Variants in CADM2 observed in about 807,000 individuals in gnomAD.
The protein encoded by CADM2 is cell adhesion molecule 2.
A neutral mutation model predicts 49.8 loss-of-function variants in CADM2; 12 were observed. The ratio of observed to expected loss-of-function variants is 0.24; its 90% CI spans 0.15 to 0.39. The LOEUF (loss-of-function observed/expected upper bound fraction) is 0.39. Among genes scored for constraint, CADM2 ranks in the 10% least tolerant of loss-of-function variants. The pLI, the probability that CADM2 is intolerant of heterozygous loss-of-function variation, is 1.00. For synonymous variants in CADM2, 214 were observed against 175.4 expected, an observed-to-expected ratio of 1.22 and a Z score of -1.74; for missense variants, 378 against 492.3, an observed-to-expected ratio of 0.77 and a Z score of 2.20.
At chr3:85,003,931 G>A (rs1347335779) in intron 1 of CADM2, among the ~76,000 whole-genome samples, 1 of 152,028 alleles carries the variant, frequency 6.6e-6, no homozygotes, top group African/African-American at 2.4e-5. Context: ...ATTTAAATTT[G>A]TAAACTGTAA....
At chr3:85,890,376 G>A (rs192416128) in intron 5 of CADM2, among the ~76,000 whole-genome samples, 2 of 152,254 alleles carry the variant, frequency 1.3e-5, no homozygotes, top group Admixed American at 6.5e-5. Flanking sequence ...CGTGTGAACA[G>A]ATGAAGTGGA....
intron 1 of CADM2, among the ~76,000 whole-genome samples, chr3:85,501,819 T>C (rs62250750): frequency 0.51 from 78,237 of 151,980 alleles, 23,125 homozygotes; most frequent in East Asian, 0.85. Flanking sequence ...AATCAGTTAA[T>C]GTATAAAATG....
intron 8 of CADM2, among the ~76,000 whole-genome samples, chr3:85,977,622 A>G (rs1158983089): frequency 6.6e-6 from 1 of 151,614 alleles, no homozygotes; most frequent in East Asian, 1.9e-4. Context: ...ATAAGGAGTT[A>G]TTATAACAAT....
At chr3:85,641,648 C>T (rs1020970973) in intron 1 of CADM2, among the ~76,000 whole-genome samples, 3 of 151,892 alleles carry the variant, frequency 2.0e-5, no homozygotes, top group African/African-American at 4.8e-5. Context: ...ATGAATGGGC[C>T]GGGCACGGTG....
rs371720119 is a variant in CADM2 at position 85,520,489 on chromosome 3, C to T, written c.62-206033C>T. On this transcript the variant is annotated intron_variant, in intron 1 of 9. Coordinates refer to ENST00000383699, the MANE Select transcript of CADM2 (RefSeq NM_001167675.2). ...AGGAAAATAATGTTTTAAGCACTTA[C>T]TCTGTGCCATGTACTGTGATACAGA... Among the ~76,000 whole-genome samples the T allele has an allele frequency of 2.6e-5, 4 of 151,948 alleles. No homozygotes were observed. The East Asian group carries it at 7.7e-4, about 29-fold the overall frequency.
intron 1 of CADM2, among the ~76,000 whole-genome samples, chr3:85,135,174 T>G (rs2107617434): frequency 6.6e-6 from 1 of 151,996 alleles, no homozygotes; most frequent in African/African-American, 2.4e-5. Context: ...AACAAAAACA[T>G]TTGGTGTGAA....
At chr3:85,948,836 A>T (rs1477239867) in intron 7 of CADM2, among the ~76,000 whole-genome samples, 1 of 151,588 alleles carries the variant, frequency 6.6e-6, no homozygotes, top group African/African-American at 2.4e-5. Flanking sequence ...GTGATTGAGG[A>T]GGGCTCTAAA....
intron 8 of CADM2, among the ~76,000 whole-genome samples, chr3:85,976,813 G>C (rs188312799): frequency 2.0e-5 from 3 of 151,480 alleles, no homozygotes; most frequent in African/African-American, 7.3e-5. Flanking sequence ...ACCAGGCTAT[G>C]TGTAAATAAT....
At chr3:85,159,673 G>A (rs1004528269) in intron 1 of CADM2, among the ~76,000 whole-genome samples, 1 of 152,154 alleles carries the variant, frequency 6.6e-6, no homozygotes, top group African/African-American at 2.4e-5. Flanking sequence ...CAAGCTAACC[G>A]AATGATTAAC....
chr3:85,793,684 C>A (rs1422753222), intron 2 of CADM2, among the ~76,000 whole-genome samples: 1 of 152,166 alleles, frequency 6.6e-6, no homozygotes. Context: ...AACTCCAGCA[C>A]ATTAAGCTTT....
At chr3:85,263,740 T>C (rs774565276) in intron 1 of CADM2, among the ~76,000 whole-genome samples, 42 of 152,156 alleles carry the variant, frequency 2.8e-4, no homozygotes, top group Non-Finnish European at 1.0e-4. Context: ...TAATTATCAC[T>C]GGTCTATTTT....
At chr3:85,067,423 T>A (rs944012185) in intron 1 of CADM2, among the ~76,000 whole-genome samples, 6 of 152,130 alleles carry the variant, frequency 3.9e-5, no homozygotes, top group African/African-American at 1.4e-4. Flanking sequence ...TGGGAACATT[T>A]ATTTTATTTT....
At chr3:85,511,484 A>G (rs2040614320) in intron 1 of CADM2, among the ~76,000 whole-genome samples, 1 of 152,108 alleles carries the variant, frequency 6.6e-6, no homozygotes, top group African/African-American at 2.4e-5. Context: ...ATACTGTAGT[A>G]ACACCAGAAA....
At chr3:86,011,966 C>T (rs1731568433) in intron 8 of CADM2, among the ~76,000 whole-genome samples, 2 of 151,892 alleles carry the variant, frequency 1.3e-5, no homozygotes, top group Middle Eastern at 3.4e-3. Context: ...TAAGAAGATA[C>T]ATTTTAGTAT....
chr3:85,785,529 A>G (rs1042046210), intron 2 of CADM2, among the ~76,000 whole-genome samples: 8 of 152,092 alleles, frequency 5.3e-5, no homozygotes, highest in Non-Finnish European at 1.2e-4. Context: ...TCTAGGTTTC[A>G]TGGATACAAT....
At chr3:85,247,913 G>T (rs1024125108) in intron 1 of CADM2, among the ~76,000 whole-genome samples, 5 of 151,500 alleles carry the variant, frequency 3.3e-5, no homozygotes, top group Non-Finnish European at 5.9e-5. Flanking sequence ...TAAGATTGTT[G>T]AATATATATG....
At chr3:85,448,332 C>CAAAAA (rs57338759) in intron 1 of CADM2, among the ~76,000 whole-genome samples, 2 of 129,040 alleles carry the variant, frequency 1.5e-5, no homozygotes, top group Non-Finnish European at 3.2e-5. Flanking sequence ...GATTCCGTCT[C>CAAAAA]AAAAAAAAAA....
chr3:85,756,889 A>T (rs976077610), intron 2 of CADM2, among the ~76,000 whole-genome samples: 1 of 152,154 alleles, frequency 6.6e-6, no homozygotes, highest in Non-Finnish European at 1.5e-5. Flanking sequence ...ACAGACAGAG[A>T]CGTTTTATAT....
chr3:86,040,596 C>T (rs7653231), intron 8 of CADM2, among the ~76,000 whole-genome samples: 4 of 152,046 alleles, frequency 2.6e-5, no homozygotes, highest in Non-Finnish European at 2.9e-5. Context: ...AAGACCAAAT[C>T]GACGTCTGAT....
Sources: gnomAD v4.1 joint callset for allele counts (sites outside exome capture counted in the v4.1 genomes callset) on GRCh38, gnomAD v4.1.1 for gene constraint, MANE v1.5 for transcripts, NCBI Gene and HGNC (gene_info 2026-07-23, HGNC 2026-07-21) for gene names.